AUH: variants seen among roughly 807,000 people sequenced by gnomAD.
AUH encodes the protein AU RNA binding methylglutaconyl-CoA hydratase.
A neutral mutation model predicts 42.3 loss-of-function variants in AUH; 29 were observed. That is an observed-to-expected ratio of 0.69 (90% confidence interval 0.51 to 0.93). AUH has a LOEUF of 0.93. AUH is among the 40% of genes least tolerant of loss of function. The pLI is 0.00. For synonymous variants in AUH, 174 were observed against 166.4 expected (o/e 1.05, Z -0.35); for missense variants, 452 against 438.1 (o/e 1.03, Z -0.28).
intron 3 of AUH, among the ~76,000 whole-genome samples, chr9:91,326,345 T>C (rs1367224723): frequency 3.9e-5 from 6 of 152,176 alleles, no homozygotes; most frequent in African/African-American, 2.4e-5. Context: ...ATCTTAGATA[T>C]GTATACCCTA....
chr9:91,326,884 G>A (rs1195588229), intron 3 of AUH, among the ~76,000 whole-genome samples: 2 of 152,078 alleles, frequency 1.3e-5, no homozygotes, highest in Non-Finnish European at 2.9e-5. Context: ...ACAAATAACT[G>A]GCTTAACTTG....
At chr9:91,325,284 C>T (rs374824669) in intron 4 of AUH, 34 bp downstream of exon 4, 39 of 1,557,570 alleles carry the variant, frequency 2.5e-5, no homozygotes, top group South Asian at 1.4e-4. Flanking sequence ...AGAACCCCTT[C>T]GGCATGCTGA....
At chr9:91,324,669 G>A (rs1228262123) in intron 4 of AUH, among the ~76,000 whole-genome samples, 3 of 147,740 alleles carry the variant, frequency 2.0e-5, no homozygotes, top group African/African-American at 7.5e-5. Flanking sequence ...TTCAAAAATA[G>A]CAACATTATA....
intron 6 of AUH, among the ~76,000 whole-genome samples, chr9:91,236,554 C>T (rs1370882707): frequency 6.6e-6 from 1 of 152,108 alleles, no homozygotes; most frequent in Non-Finnish European, 1.5e-5. Context: ...TGAGTGGCCC[C>T]AGACCTGAGG....
chr9:91,222,280 T>C (rs1827176854), intron 6 of AUH, among the ~76,000 whole-genome samples: 3 of 152,226 alleles, frequency 2.0e-5, no homozygotes, highest in Admixed American at 2.0e-4. Flanking sequence ...TTTAACAAAG[T>C]ATGCCTCAGT....
chr9:91,225,206 T>C (rs1827368566), intron 6 of AUH, among the ~76,000 whole-genome samples: 2 of 152,306 alleles, frequency 1.3e-5, no homozygotes. Context: ...TGTGCCAAAA[T>C]CTTGGTGCAA....
intron 4 of AUH, among the ~76,000 whole-genome samples, chr9:91,323,203 G>T (rs1829720078): frequency 6.6e-6 from 1 of 152,104 alleles, no homozygotes; most frequent in African/African-American, 2.4e-5. Context: ...TGGGGGAGGA[G>T]ATAAAAACTG....
chr9:91,255,447 G>A (rs1242417620), intron 6 of AUH, among the ~76,000 whole-genome samples: 2 of 152,200 alleles, frequency 1.3e-5, no homozygotes, highest in Non-Finnish European at 2.9e-5. Context: ...TGCTGTCCAA[G>A]TGTGTAATGT....
At chr9:91,302,602 G>A (rs899019007) in intron 4 of AUH, among the ~76,000 whole-genome samples, 2 of 149,556 alleles carry the variant, frequency 1.3e-5, no homozygotes, top group African/African-American at 2.5e-5. Context: ...AAAAACAAAC[G>A]AACAAACAAA....
chr9:91,361,225 C>G (rs903791575), intron 1 of AUH, among the ~76,000 whole-genome samples: 2 of 152,206 alleles, frequency 1.3e-5, no homozygotes, highest in Non-Finnish European at 2.9e-5. Context: ...GGCAGTTTCA[C>G]CGCAGCTTTT....
intron 4 of AUH, among the ~76,000 whole-genome samples, chr9:91,320,117 T>C (rs1184048523): frequency 6.6e-6 from 1 of 152,244 alleles, no homozygotes; most frequent in Non-Finnish European, 1.5e-5. Flanking sequence ...TCAAATCTCA[T>C]ATATTTGGAC....
intron 4 of AUH, among the ~76,000 whole-genome samples, chr9:91,301,972 C>T (rs748750434): frequency 2.6e-5 from 4 of 152,070 alleles, no homozygotes; most frequent in Non-Finnish European, 5.9e-5. Flanking sequence ...CAGCTTAATT[C>T]GTATTCAATG....
At chr9:91,297,083 GAT>G (rs1262861324) in intron 5 of AUH, among the ~76,000 whole-genome samples, 1 of 152,178 alleles carries the variant, frequency 6.6e-6, no homozygotes, top group Non-Finnish European at 1.5e-5. Flanking sequence ...AGTCTCTATG[GAT>G]ATAGTGTCCA....
At chr9:91,328,874 T>C (rs1830135075) in intron 3 of AUH, among the ~76,000 whole-genome samples, 1 of 152,196 alleles carries the variant, frequency 6.6e-6, no homozygotes, top group African/African-American at 2.4e-5. Flanking sequence ...CTCAATCTGA[T>C]CTTAGAACAC....
Position 91,361,610 on chromosome 9 carries a change from C to T in AUH, c.262+18G>A. 1 of 1,572,950 alleles carries T rather than the reference C, an allele frequency of 6.4e-7. No homozygotes were observed. Among genetic ancestry groups the T allele is most frequent in the Non-Finnish European group, 8.6e-7 (1 of 1,160,136 alleles). On this transcript the variant is annotated intron_variant, in intron 1 of 9. Transcript: ENST00000375731. ...CGGCCGCCCGCTGCCCCGCGCCTGCCCAGCGTTCGCACCTCACCTCGGTTC... is the reference window on the plus strand; with the variant it reads ...CGGCCGCCCGCTGCCCCGCGCCTGCTCAGCGTTCGCACCTCACCTCGGTTC...
At chr9:91,224,115 T>C (rs931348577) in intron 6 of AUH, among the ~76,000 whole-genome samples, 1 of 152,170 alleles carries the variant, frequency 6.6e-6, no homozygotes, top group Non-Finnish European at 1.5e-5. Context: ...TGGCAATACT[T>C]GTCGTGACAG....
intron 4 of AUH, among the ~76,000 whole-genome samples, chr9:91,321,667 C>G (rs1459101312): frequency 6.6e-6 from 1 of 152,140 alleles, no homozygotes; most frequent in Non-Finnish European, 1.5e-5. Flanking sequence ...AAAGAAAAAT[C>G]AGACCCACTG....
chr9:91,347,906 T>TAA (rs1429635147), intron 3 of AUH, among the ~76,000 whole-genome samples: 1 of 151,748 alleles, frequency 6.6e-6, no homozygotes, highest in Non-Finnish European at 1.5e-5. Flanking sequence ...CCCTAGAACT[T>TAA]AAAGTATAAT....
chr9:91,298,410 T>C (rs1432008289), intron 4 of AUH, among the ~76,000 whole-genome samples: 1 of 152,240 alleles, frequency 6.6e-6, no homozygotes, highest in Non-Finnish European at 1.5e-5. Context: ...ACAAGATGTT[T>C]GGTTCATACA....
Sources: gnomAD v4.1 joint callset for allele counts (sites outside exome capture counted in the v4.1 genomes callset) on GRCh38, gnomAD v4.1.1 for gene constraint, MANE v1.5 for transcripts, NCBI Gene and HGNC (gene_info 2026-07-23, HGNC 2026-07-21) for gene names.